The following GRPR variants were observed in gnomAD, a reference collection of about 807,000 sequenced individuals.
GRPR encodes the protein gastrin releasing peptide receptor.
GRPR carries 4 observed loss-of-function variants against 15.6 expected under a neutral mutation model. That is an observed-to-expected ratio of 0.26 (90% CI 0.13 to 0.59). The LOEUF (loss-of-function observed/expected upper bound fraction) is 0.59, where lower values mean the gene tolerates loss of function less well. Ranked by LOEUF, GRPR falls within the 20% of genes least tolerant of loss-of-function variation. GRPR has a pLI of 0.90. For synonymous variants in GRPR, 128 were observed against 126.8 expected (o/e 1.01, Z -0.06); for missense variants, 270 against 304.1 (o/e 0.89, Z 0.83).
At chrX:16,131,605 C>A (rs745954297) in intron 1 of GRPR, among the ~76,000 whole-genome samples, 2 of 112,330 alleles carry the variant, frequency 1.8e-5, no homozygotes, top group East Asian at 5.6e-4. Context: ...TATCATGCCC[C>A]TTTGTAATCT....
Position 16,124,205 on chromosome X carries a change from G to A in GRPR, c.252G>A (p.Leu84=), listed in dbSNP as rs780677152. 5 of 1,209,225 alleles carry A rather than the reference G, an allele frequency of 4.1e-6. No homozygotes were observed. The highest frequency in any genetic ancestry group is 4.5e-6 in the Non-Finnish European group (4 of 894,523). ...VPNLFISSLA[L]GDLLLLITCA... is the part of the protein sequence containing the mutation. ...ACCTGTTCATTTCCAGTCTGGCTTT[G>A]GGAGACCTGCTCCTCCTAATAACGT... Residue 84 remains leucine (L), a synonymous_variant, in exon 1 of 3, where the codon TTG becomes TTA. Coordinates refer to ENST00000380289, the MANE Select transcript of GRPR (RefSeq NM_005314.3).
chrX:16,151,027 G>A (rs953597841), intron 2 of GRPR, among the ~76,000 whole-genome samples: 4 of 112,029 alleles, frequency 3.6e-5, no homozygotes, highest in Admixed American at 9.5e-5. Flanking sequence ...TTACCACATG[G>A]AGACAAAGCA....
Position 16,123,743 on chromosome X carries a change from A to C in GRPR, c.-211A>C. On this transcript the variant is annotated 5_prime_UTR_variant, in exon 1 of 3. Coordinates refer to ENST00000380289, the MANE Select transcript of GRPR (RefSeq NM_005314.3). ...CTTATTGAATTTAGAGTTGTATTGC[A>C]CTGGTCATGTGAAAGCCAGAGCAGC... is the stretch of plus-strand genomic sequence containing the variant. 1 of 461,188 alleles carries C rather than the reference A, an allele frequency of 2.2e-6. No homozygotes were observed. Among genetic ancestry groups the C allele is most frequent in the East Asian group, 3.5e-5 (1 of 28,358 alleles). The allele number at this position is 461,188 out of a possible 1,213,427, so 38.0% of individuals were successfully genotyped here. A position where few individuals can be genotyped will look rare whatever the true frequency, so the allele number is the denominator to read the frequency against.
intron 1 of GRPR, among the ~76,000 whole-genome samples, chrX:16,139,446 T>C (rs1922497300): frequency 9.1e-6 from 1 of 110,491 alleles, no homozygotes; most frequent in African/African-American, 3.4e-5. Flanking sequence ...TCTTAAAACA[T>C]GAGATTTTTT....
intron 1 of GRPR, among the ~76,000 whole-genome samples, chrX:16,128,932 C>A: frequency 8.9e-6 from 1 of 112,006 alleles, no homozygotes; most frequent in East Asian, 2.8e-4. Context: ...AAAGGGTGAG[C>A]GTGGTTTGTG....
At chrX:16,149,645 C>CA (rs575381418) in intron 1 of GRPR, among the ~76,000 whole-genome samples, 2,729 of 58,939 alleles carry the variant, frequency 0.046, 16 homozygotes, top group East Asian at 0.078. Flanking sequence ...AAGGTTTTGC[C>CA]AAAAAAAAAA....
At chrX:16,143,378 G>A (rs1391386061) in intron 1 of GRPR, among the ~76,000 whole-genome samples, 1 of 112,837 alleles carries the variant, frequency 8.9e-6, no homozygotes, top group Non-Finnish European at 1.9e-5. Flanking sequence ...CAGTCTCTCT[G>A]AATCATTGAG....
chrX:16,149,241 C>G (rs1175349845), intron 1 of GRPR, among the ~76,000 whole-genome samples: 1 of 111,754 alleles, frequency 8.9e-6, no homozygotes, highest in African/African-American at 3.3e-5. Context: ...TGGAAAATTT[C>G]CAGGCAAACC....
chrX:16,151,795 A>G (rs1391222090), intron 2 of GRPR, among the ~76,000 whole-genome samples: 1 of 112,463 alleles, frequency 8.9e-6, no homozygotes, highest in Admixed American at 9.4e-5. Flanking sequence ...CTTTCTGAGC[A>G]TGAGAGGGAA....
At chrX:16,148,398 C>T (rs901533445) in intron 1 of GRPR, among the ~76,000 whole-genome samples, 2 of 111,430 alleles carry the variant, frequency 1.8e-5, no homozygotes, top group East Asian at 2.8e-4. Context: ...GGTTCTTTTT[C>T]CCAAACTTGC....
At chrX:16,145,829 C>T (rs992783097) in intron 1 of GRPR, among the ~76,000 whole-genome samples, 1 of 111,215 alleles carries the variant, frequency 9.0e-6, no homozygotes, top group Non-Finnish European at 1.9e-5. Context: ...AAAGACATAC[C>T]CATAGAAAAC....
intron 1 of GRPR, among the ~76,000 whole-genome samples, chrX:16,144,467 T>G (rs1167341128): frequency 8.9e-6 from 1 of 111,967 alleles, no homozygotes; most frequent in Non-Finnish European, 1.9e-5. Flanking sequence ...AATATTGTAG[T>G]GCAACAATTC....
At chrX:16,147,478 A>G (rs1922625132) in intron 1 of GRPR, among the ~76,000 whole-genome samples, 1 of 111,159 alleles carries the variant, frequency 9.0e-6, no homozygotes, top group African/African-American at 3.3e-5. Context: ...ATATTTGTTG[A>G]AAAAAAATGG....
In GRPR at chrX:16,123,867, T is replaced by A; in HGVS notation, c.-87T>A. On this transcript the variant is annotated 5_prime_UTR_variant, in exon 1 of 3. Coordinates refer to ENST00000380289, the MANE Select transcript of GRPR (RefSeq NM_005314.3). ...AAGAAGGCAAAGAGCCCGGCATAGA[T>A]CTTATCTTCATCTTCACTCGGTTGC... is the stretch of plus-strand genomic sequence containing the variant. The A allele has an allele frequency of 1.4e-6, 1 of 735,948 alleles. No homozygotes were observed. The highest frequency in any genetic ancestry group is 3.2e-5 in the East Asian group (1 of 31,673). 60.7% of individuals were successfully genotyped at this position (735,948 alleles called of 1,213,427 possible). A position where few individuals can be genotyped will look rare whatever the true frequency, so the allele number is the denominator to read the frequency against.
chrX:16,123,666 C>A lies in GRPR; in HGVS notation c.-288C>A. 1 of 307,364 alleles carries A rather than the reference C, an allele frequency of 3.3e-6. No homozygotes were observed. The highest frequency in any genetic ancestry group is 5.7e-6 in the Non-Finnish European group (1 of 175,210). 25.3% of individuals were successfully genotyped at this position (307,364 alleles called of 1,213,427 possible). A position where few individuals can be genotyped will look rare whatever the true frequency, so the allele number is the denominator to read the frequency against. On this transcript the variant is annotated 5_prime_UTR_variant, in exon 1 of 3. Transcript: ENST00000380289. ...AGAATGGAGGTAGAAAGAACTGATG[C>A]AGAGTGGGTTTAATTCTAAGCCTTT...
chrX:16,133,509 T>C (rs1395007746), intron 1 of GRPR, among the ~76,000 whole-genome samples: 1 of 111,785 alleles, frequency 8.9e-6, no homozygotes, highest in Non-Finnish European at 1.9e-5. Flanking sequence ...TCTCTGTGGC[T>C]TCATCTGAGA....
At chrX:16,132,242 G>A (rs193167461) in intron 1 of GRPR, among the ~76,000 whole-genome samples, 6 of 112,501 alleles carry the variant, frequency 5.3e-5, no homozygotes, top group African/African-American at 1.9e-4. Context: ...CAGAGTGATT[G>A]CAGGAGAACA....
At chrX:16,126,721 A>G (rs1276816776) in intron 1 of GRPR, among the ~76,000 whole-genome samples, 1 of 112,205 alleles carries the variant, frequency 8.9e-6, no homozygotes, top group African/African-American at 3.2e-5. Flanking sequence ...CTATCTTCTT[A>G]TGCTTATCAT....
At chrX:16,151,683 T>C (rs776239620) in intron 2 of GRPR, among the ~76,000 whole-genome samples, 1 of 112,160 alleles carries the variant, frequency 8.9e-6, no homozygotes, top group South Asian at 3.8e-4. Context: ...TGCCACAGTC[T>C]CTTTCTATAG....
Sources: allele counts gnomAD v4.1 joint callset (sites outside exome capture counted in the v4.1 genomes callset), GRCh38; gene constraint gnomAD v4.1.1; transcripts MANE v1.5; gene names NCBI Gene and HGNC (gene_info 2026-07-23, HGNC 2026-07-21).